Variants in RHBDD1 observed in about 807,000 individuals in gnomAD.
The protein encoded by RHBDD1 is rhomboid-related protein 4.
In RHBDD1, 38 loss-of-function variants were observed where a neutral mutation model predicts 36.3. The ratio of observed to expected loss-of-function variants is 1.05; its 90% CI spans 0.81 to 1.37. RHBDD1 has a LOEUF of 1.37. RHBDD1 is among the 40% of genes most tolerant of loss of function. The pLI is 0.00. For synonymous variants in RHBDD1, 151 were observed against 136.5 expected (o/e 1.11, Z -0.74); for missense variants, 393 against 377.6 (o/e 1.04, Z -0.34).
upstream of RHBDD1, among the ~76,000 whole-genome samples, chr2:226,832,004 ATTTTT>A (rs1940756115): frequency 8.4e-6 from 1 of 119,476 alleles, no homozygotes; most frequent in Non-Finnish European, 1.9e-5. Context: ...CATTTTCTCT[ATTTTT>A]GTTACTTATT....
intron 8 of RHBDD1, among the ~76,000 whole-genome samples, chr2:226,969,904 A>G (rs1349272211): frequency 6.6e-6 from 1 of 152,072 alleles, no homozygotes; most frequent in Non-Finnish European, 1.5e-5. Flanking sequence ...GCGAGGCACA[A>G]AGGGAATCTT....
chr2:226,876,000 C>T (rs1267274421), intron 5 of RHBDD1, among the ~76,000 whole-genome samples: 1 of 152,104 alleles, frequency 6.6e-6, no homozygotes, highest in African/African-American at 2.4e-5. Context: ...ACAATAGCAC[C>T]CTTTTGTTTT....
intron 8 of RHBDD1, among the ~76,000 whole-genome samples, chr2:226,934,684 C>A (rs540169913): frequency 1.2e-4 from 19 of 152,016 alleles, no homozygotes; most frequent in Non-Finnish European, 2.6e-4. Flanking sequence ...TTGGCAGTCT[C>A]AGCTTTTATA....
At chr2:226,807,485 G>C in the RHBDD1 span, 1 of 151,982 alleles carries the variant, frequency 6.6e-6, no homozygotes, top group Non-Finnish European at 1.5e-5. Flanking sequence ...TTGATTCCTA[G>C]GAAATTAAAA....
chr2:226,929,135 C>T lies in RHBDD1; in HGVS notation c.856+14784C>T, dbSNP rs138343839. 7.2e-5 allele frequency among the ~76,000 whole-genome samples: 11 copies of T among 152,174 alleles called. No individual in the cohort carries two copies. In the East Asian group the frequency reaches 1.7e-3, roughly 24 times the overall value. ...AAAAGACTGAGAAAGAGGGAATCGT[C>T]CCTAATTCATTCTATGAAGCCGGTA... On this transcript the variant is annotated intron_variant, in intron 8 of 8. Coordinates refer to ENST00000392062, the MANE Select transcript of RHBDD1 (RefSeq NM_001167608.3).
the RHBDD1 span, among the ~76,000 whole-genome samples, chr2:226,810,540 CAAAAAAAAAAAA>C: frequency 2.7e-4 from 9 of 33,878 alleles, no homozygotes; most frequent in African/African-American, 4.3e-4. Flanking sequence ...GACTCCGTCT[CAAAAAAAAAAAA>C]AAAAAAAAAA....
intron 8 of RHBDD1, among the ~76,000 whole-genome samples, chr2:226,944,937 A>G (rs1950876156): frequency 6.6e-6 from 1 of 152,098 alleles, no homozygotes; most frequent in East Asian, 1.9e-4. Context: ...CAAAGAAAAT[A>G]GATAAAAGCC....
intron 7 of RHBDD1, among the ~76,000 whole-genome samples, chr2:226,913,245 G>A (rs549599108): frequency 6.6e-6 from 1 of 152,072 alleles, no homozygotes; most frequent in Non-Finnish European, 1.5e-5. Flanking sequence ...AAGACTCATA[G>A]CAAAGGTTAG....
chr2:226,936,508 C>G (rs1419135678), intron 8 of RHBDD1, among the ~76,000 whole-genome samples: 2 of 152,030 alleles, frequency 1.3e-5, no homozygotes, highest in East Asian at 3.8e-4. Context: ...CTTTTCTCTA[C>G]CACCTACCCC....
At chr2:226,830,301 G>T in the RHBDD1 span, among the ~76,000 whole-genome samples, 2 of 152,216 alleles carry the variant, frequency 1.3e-5, no homozygotes, top group East Asian at 1.9e-4. Flanking sequence ...ACAGCAAGAG[G>T]GTGCTGTCTA....
chr2:226,969,503 G>A (rs1953038027), intron 8 of RHBDD1, among the ~76,000 whole-genome samples: 1 of 149,948 alleles, frequency 6.7e-6, no homozygotes, highest in Admixed American at 6.7e-5. Context: ...TGCCTAAATA[G>A]GGAAAGGGAG....
At chr2:226,956,570 G>C (rs1951806190) in intron 8 of RHBDD1, among the ~76,000 whole-genome samples, 1 of 152,120 alleles carries the variant, frequency 6.6e-6, no homozygotes, top group Non-Finnish European at 1.5e-5. Context: ...GTCTATGTTT[G>C]GGCTACATCT....
At chr2:226,835,257 C>T (rs942270252), upstream of RHBDD1, among the ~76,000 whole-genome samples, 1 of 152,222 alleles carries the variant, frequency 6.6e-6, no homozygotes, top group Non-Finnish European at 1.5e-5. Context: ...AGCATTGCAA[C>T]ATTTAACTTA....
chr2:226,860,017 A>T (rs911673618), intron 3 of RHBDD1, among the ~76,000 whole-genome samples: 3 of 152,220 alleles, frequency 2.0e-5, no homozygotes, highest in Admixed American at 2.0e-4. Context: ...GATAAAAAAA[A>T]ACTGTTTGGA....
chr2:226,820,687 G>A, the RHBDD1 span, among the ~76,000 whole-genome samples: 2 of 149,380 alleles, frequency 1.3e-5, no homozygotes, highest in African/African-American at 4.9e-5. Context: ...AAAATTAGCC[G>A]GCCATGGTGG....
intron 8 of RHBDD1, among the ~76,000 whole-genome samples, chr2:226,954,955 G>T (rs192135851): frequency 1.3e-5 from 2 of 151,976 alleles, no homozygotes; most frequent in African/African-American, 4.8e-5. Flanking sequence ...AGTGGGGAGC[G>T]TTCACCCAGA....
chr2:226,895,046 G>A (rs868120456), intron 5 of RHBDD1, among the ~76,000 whole-genome samples: 2 of 152,204 alleles, frequency 1.3e-5, no homozygotes, highest in Non-Finnish European at 2.9e-5. Context: ...AGAAGGGAGA[G>A]AGAAGGCTGG....
At position 226,938,258 on chromosome 2, in the gene RHBDD1, T is replaced by A. The variant is rs111634832; in HGVS notation, c.856+23907T>A. Among the ~76,000 whole-genome samples the A allele has an allele frequency of 2.7e-3, 415 of 152,312 alleles. 1 individual carries two copies. Among genetic ancestry groups the A allele is most frequent in the South Asian group, 6.8e-3 (33 of 4,828 alleles). ...TCTTCTTTCGAAAAGTGTCTTTTCA[T>A]GTCCTTTGCCCACTTTTTAATGGGG... On this transcript the variant is annotated intron_variant, in intron 8 of 8. Coordinates refer to ENST00000392062, the MANE Select transcript of RHBDD1 (RefSeq NM_001167608.3).
intron 8 of RHBDD1, among the ~76,000 whole-genome samples, chr2:226,955,784 T>C (rs1308936860): frequency 6.6e-6 from 1 of 152,174 alleles, no homozygotes; most frequent in African/African-American, 2.4e-5. Context: ...CCTCTGCTTA[T>C]AAGGACATCA....
Sources: allele counts gnomAD v4.1 joint callset (sites outside exome capture counted in the v4.1 genomes callset), GRCh38; gene constraint gnomAD v4.1.1; transcripts MANE v1.5; gene names NCBI Gene and HGNC (gene_info 2026-07-23, HGNC 2026-07-21).